NME7: variants seen among roughly 807,000 people sequenced by gnomAD.
NME7 encodes NME/NM23 family member 7.
A neutral mutation model predicts 49.1 loss-of-function variants in NME7; 41 were observed. That is an observed-to-expected ratio of 0.83 (90% CI 0.65 to 1.08). The LOEUF is 1.08. NME7 is among the 50% of genes least tolerant of loss of function. The pLI, the probability that NME7 is intolerant of heterozygous loss-of-function variation, is 0.00. For synonymous variants in NME7, 139 were observed against 150.6 expected (o/e 0.92, Z 0.56); for missense variants, 423 against 463.4 (o/e 0.91, Z 0.80).
intron 11 of NME7, among the ~76,000 whole-genome samples, chr1:169,134,699 T>G (rs1442555477): frequency 6.6e-6 from 1 of 152,128 alleles, no homozygotes; most frequent in Non-Finnish European, 1.5e-5. Context: ...TCATTGTATT[T>G]TATTACCTTC....
chr1:169,238,511 ACAC>A (rs1445304356), intron 7 of NME7, among the ~76,000 whole-genome samples: 1 of 150,774 alleles, frequency 6.6e-6, no homozygotes, highest in African/African-American at 2.5e-5. Flanking sequence ...ACACACACAC[ACAC>A]ACCATATTCT....
chr1:169,318,246 A>G (rs1651728070), intron 3 of NME7, among the ~76,000 whole-genome samples: 1 of 152,244 alleles, frequency 6.6e-6, no homozygotes, highest in Non-Finnish European at 1.5e-5. Context: ...ACGCTTTCAC[A>G]AGACAGCCTA....
At chr1:169,334,343 T>C (rs994557998) in intron 1 of NME7, among the ~76,000 whole-genome samples, 1 of 152,170 alleles carries the variant, frequency 6.6e-6, no homozygotes, top group African/African-American at 2.4e-5. Context: ...CAAAACAGCA[T>C]GGTATGGGTA....
intron 1 of NME7, among the ~76,000 whole-genome samples, chr1:169,334,087 T>C (rs1295125242): frequency 3.3e-5 from 5 of 152,236 alleles, no homozygotes; most frequent in African/African-American, 7.2e-5. Flanking sequence ...CCATAATGCA[T>C]GATGGAGAAA....
intron 10 of NME7, among the ~76,000 whole-genome samples, chr1:169,200,247 C>T (rs12568636): frequency 0.36 from 54,108 of 151,754 alleles, 10,425 homozygotes; most frequent in East Asian, 0.73. Context: ...TGGAAACATC[C>T]GGGAGGGCTT....
intron 10 of NME7, among the ~76,000 whole-genome samples, chr1:169,229,754 A>G (rs1312853200): frequency 6.6e-6 from 1 of 152,150 alleles, no homozygotes; most frequent in African/African-American, 2.4e-5. Flanking sequence ...TGAGGTCAGG[A>G]GTTCAAGACC....
chr1:169,201,216 G>C (rs1006632406), intron 10 of NME7, among the ~76,000 whole-genome samples: 1 of 152,126 alleles, frequency 6.6e-6, no homozygotes, highest in African/African-American at 2.4e-5. Flanking sequence ...GGGTGACAGA[G>C]CGAGACTGTC....
chr1:169,253,671 C>T (rs534977991), intron 7 of NME7, among the ~76,000 whole-genome samples: 1 of 152,140 alleles, frequency 6.6e-6, no homozygotes, highest in Non-Finnish European at 1.5e-5. Flanking sequence ...CTAGTTTTTG[C>T]CCATTCAGTA....
intron 9 of NME7, among the ~76,000 whole-genome samples, chr1:169,231,380 G>A (rs1182024390): frequency 6.6e-6 from 1 of 152,148 alleles, no homozygotes; most frequent in African/African-American, 2.4e-5. Context: ...TTACTGTCTA[G>A]AGGCAGTTTC....
At chr1:169,190,740 T>A in intron 10 of NME7, 1 of 391,690 alleles carries the variant, frequency 2.6e-6, no homozygotes, top group Non-Finnish European at 5.0e-6. Flanking sequence ...AAGTGTAGGT[T>A]GACTCATACT....
At chr1:169,220,116 T>C (rs934223394) in intron 10 of NME7, among the ~76,000 whole-genome samples, 3 of 152,172 alleles carry the variant, frequency 2.0e-5, no homozygotes, top group African/African-American at 7.2e-5. Flanking sequence ...AACCCATATG[T>C]TGTTTTGAGA....
chr1:169,301,762 T>A (rs1301421799), intron 5 of NME7, among the ~76,000 whole-genome samples: 2 of 152,154 alleles, frequency 1.3e-5, no homozygotes, highest in Non-Finnish European at 2.9e-5. Context: ...AATTATGTCC[T>A]TGGCAATAAT....
Position 169,324,430 on chromosome 1 carries a change from T to C in NME7, c.74A>G (p.Glu25Gly). The C allele has an allele frequency of 6.2e-7, 1 of 1,613,436 alleles. No individual in the cohort carries two copies. The highest frequency in any genetic ancestry group is 1.1e-5 in the South Asian group (1 of 91,056). The change falls in exon 2 of 12, where the codon GAG (glutamate) becomes GGG (glycine). Residue 25 changes from glutamate (E) to glycine (G), a missense_variant. Transcript: ENST00000367811. ...DPNASLLRRYELLFYPGDGSV... is the reference protein window; with the variant it reads ...DPNASLLRRYGLLFYPGDGSV... ...TCCATCCCCTGGGTAAAATAAAAGC[T>C]CATAACGTCGAAGAAGTGAAGCATT...
chr1:169,244,350 T>G (rs1184734243), intron 7 of NME7, among the ~76,000 whole-genome samples: 1 of 152,124 alleles, frequency 6.6e-6, no homozygotes, highest in Non-Finnish European at 1.5e-5. Flanking sequence ...ATTAAGTTGT[T>G]GGCCAGGTGC....
intron 10 of NME7, among the ~76,000 whole-genome samples, chr1:169,209,211 A>C (rs1037713783): frequency 5.9e-5 from 9 of 152,112 alleles, no homozygotes; most frequent in African/African-American, 2.2e-4. Context: ...AGGGGGTTCC[A>C]AATTTACTAA....
At chr1:169,133,722 A>G (rs1290313305) in intron 11 of NME7, among the ~76,000 whole-genome samples, 1 of 152,194 alleles carries the variant, frequency 6.6e-6, no homozygotes, top group Non-Finnish European at 1.5e-5. Flanking sequence ...AAAATCCTCA[A>G]ACTAACATAC....
intron 11 of NME7, among the ~76,000 whole-genome samples, chr1:169,159,237 C>T (rs559181312): frequency 2.0e-5 from 3 of 152,138 alleles, no homozygotes; most frequent in South Asian, 4.2e-4. Context: ...AGTGATAACT[C>T]GAGTTCTGAC....
intron 3 of NME7, among the ~76,000 whole-genome samples, chr1:169,313,308 T>A (rs966498597): frequency 2.0e-5 from 3 of 151,884 alleles, no homozygotes; most frequent in African/African-American, 7.2e-5. Flanking sequence ...TGATTTGCAG[T>A]ACATCATTGG....
intron 2 of NME7, among the ~76,000 whole-genome samples, chr1:169,324,106 C>T (rs531038671): frequency 2.6e-5 from 4 of 151,994 alleles, no homozygotes; most frequent in South Asian, 4.2e-4. Context: ...CTGCCTGGGT[C>T]GGCCTCCCAA....
Sources: allele counts gnomAD v4.1 joint callset (sites outside exome capture counted in the v4.1 genomes callset), GRCh38; gene constraint gnomAD v4.1.1; transcripts MANE v1.5; gene names NCBI Gene and HGNC (gene_info 2026-07-23, HGNC 2026-07-21).